Variants in PPP1R37 observed in about 807,000 individuals in gnomAD.
PPP1R37 encodes leucine rich repeat containing 68.
A neutral mutation model predicts 61.0 loss-of-function variants in PPP1R37; 21 were observed. The ratio of observed to expected loss-of-function variants is 0.34; its 90% CI spans 0.24 to 0.50. PPP1R37 has a LOEUF of 0.50. Among genes scored for constraint, PPP1R37 ranks in the 20% least tolerant of loss-of-function variants. The pLI is 0.98. For missense variants in PPP1R37, 910 were observed against 952.7 expected (o/e 0.96, Z 0.59); for synonymous variants, 443 against 433.5 (o/e 1.02, Z -0.27).
rs75952026 is a variant in PPP1R37, at chr19:45,111,120, G to A, written c.202+17593G>A. Among the ~76,000 whole-genome samples the A allele has an allele frequency of 1.2e-3, 188 of 152,248 alleles. 1 individual carries two copies. The highest frequency in any genetic ancestry group is 6.8e-3 in the Middle Eastern group (2 of 294). Reference sequence around the variant, plus strand: ...CCCAGCTCTGCTGAGTCCTCTGCCGGATTGTCTTGCCTGTATGCTCATTTG... The same window carrying A: ...CCCAGCTCTGCTGAGTCCTCTGCCGAATTGTCTTGCCTGTATGCTCATTTG... On this transcript the variant is annotated intron_variant, in intron 1 of 12. Transcript: ENST00000221462.
chr19:45,138,736 A>C (rs2122751040), intron 2 of PPP1R37, 125 bp downstream of exon 2: 2 of 597,586 alleles, frequency 3.3e-6, no homozygotes, highest in East Asian at 5.6e-5. Flanking sequence ...CATCTTTGAA[A>C]GCCTGCTGCT....
In PPP1R37 at chr19:45,146,871, G is replaced by C. The variant is rs1968710128; in HGVS notation, c.*309G>C. ...CAGGCGCCTGTTCTGGAGGGGCCAG[G>C]CTTGCCCTGCGGAGGGCAGGCGTCC... On this transcript the variant is annotated 3_prime_UTR_variant, in exon 13 of 13. Transcript: ENST00000221462. 2 of 190,418 alleles carry C rather than the reference G, an allele frequency of 1.1e-5. No homozygotes were observed. 11.8% of individuals were successfully genotyped at this position (190,418 alleles called of 1,614,324 possible). A position where few individuals can be genotyped will look rare whatever the true frequency, so the allele number is the denominator to read the frequency against.
intron 1 of PPP1R37, among the ~76,000 whole-genome samples, chr19:45,120,014 CTTTTT>C (rs11312138): frequency 4.8e-5 from 4 of 83,600 alleles, no homozygotes; most frequent in African/African-American, 9.8e-5. Context: ...TTTTCCCCTT[CTTTTT>C]TTTTTTTTTT....
chr19:45,132,010 C>T (rs1035593374), intron 1 of PPP1R37, among the ~76,000 whole-genome samples: 2 of 152,172 alleles, frequency 1.3e-5, no homozygotes, highest in Non-Finnish European at 2.9e-5. Context: ...CTTCTTATTC[C>T]AAGCCGTTAC....
At chr19:45,119,101 G>C (rs1968306565) in intron 1 of PPP1R37, among the ~76,000 whole-genome samples, 1 of 151,700 alleles carries the variant, frequency 6.6e-6, no homozygotes, top group Non-Finnish European at 1.5e-5. Context: ...CGATTCTCCT[G>C]CCCCAGCCTC....
intron 1 of PPP1R37, among the ~76,000 whole-genome samples, chr19:45,113,940 T>C (rs1240256862): frequency 6.6e-6 from 1 of 152,210 alleles, no homozygotes; most frequent in Non-Finnish European, 1.5e-5. Context: ...GGCCCCTGGC[T>C]GGAGCTGGTG....
intron 8 of PPP1R37, chr19:45,144,238 A>C (rs781704429): frequency 2.0e-5 from 3 of 152,322 alleles, no homozygotes; most frequent in Admixed American, 6.6e-5. Flanking sequence ...GGATGGTCGC[A>C]ATCTGACCTT....
chr19:45,128,828 T>A, intron 1 of PPP1R37: 2 of 616,862 alleles, frequency 3.2e-6, no homozygotes, highest in Non-Finnish European at 6.0e-6. Flanking sequence ...TCAAAAGGAA[T>A]GACTCCCAGT....
At chr19:45,097,905 G>A (rs1968013843) in intron 1 of PPP1R37, among the ~76,000 whole-genome samples, 1 of 152,184 alleles carries the variant, frequency 6.6e-6, no homozygotes, top group Non-Finnish European at 1.5e-5. Flanking sequence ...ACATGTAGCT[G>A]AATGTCAGGG....
intron 1 of PPP1R37, among the ~76,000 whole-genome samples, chr19:45,125,766 C>G (rs931621533): frequency 6.6e-6 from 1 of 152,298 alleles, no homozygotes; most frequent in South Asian, 2.1e-4. Flanking sequence ...AGTGAAGAGG[C>G]CTATCCAGGC....
At chr19:45,146,225 C>A in intron 11 of PPP1R37, 165 bp from the exon 12 acceptor site, 1 of 924,432 alleles carries the variant, frequency 1.1e-6, no homozygotes, top group Non-Finnish European at 1.6e-6. Context: ...CCTGGGAGCT[C>A]TTCCTGGGGT....
At chr19:45,115,965 ACT>A (rs1280468956) in intron 1 of PPP1R37, among the ~76,000 whole-genome samples, 2 of 146,034 alleles carry the variant, frequency 1.4e-5, no homozygotes, top group African/African-American at 5.1e-5. Flanking sequence ...CAAGAGTGAG[ACT>A]CTGTCTCAAA....
intron 1 of PPP1R37, among the ~76,000 whole-genome samples, chr19:45,138,010 G>A (rs1463456962): frequency 2.6e-5 from 4 of 152,086 alleles, no homozygotes; most frequent in Non-Finnish European, 4.4e-5. Flanking sequence ...GACAGTGCAA[G>A]CGTTTGGTCT....
At chr19:45,099,116 C>A (rs1423307700) in intron 1 of PPP1R37, among the ~76,000 whole-genome samples, 2 of 152,152 alleles carry the variant, frequency 1.3e-5, no homozygotes, top group African/African-American at 4.8e-5. Flanking sequence ...CTCCTCTGCC[C>A]CCACCTATAG....
chr19:45,141,991 G>A (rs919213429), intron 5 of PPP1R37, 70 bp from the exon 6 acceptor site: 14 of 1,153,950 alleles, frequency 1.2e-5, no homozygotes, highest in South Asian at 5.1e-5. Flanking sequence ...GTGCTGGGGC[G>A]GTCCTGGGGC....
intron 1 of PPP1R37, among the ~76,000 whole-genome samples, chr19:45,117,087 A>G (rs1049201024): frequency 1.3e-5 from 2 of 151,698 alleles, no homozygotes; most frequent in Non-Finnish European, 2.9e-5. Flanking sequence ...TAATTTTTGT[A>G]TTTTTAGTAG....
At chr19:45,101,816 C>T (rs948580848) in intron 1 of PPP1R37, among the ~76,000 whole-genome samples, 3 of 152,178 alleles carry the variant, frequency 2.0e-5, no homozygotes, top group Non-Finnish European at 4.4e-5. Context: ...AGGGAGGGGC[C>T]GTGAGCCAGG....
chr19:45,117,724 G>A (rs1349891590), intron 1 of PPP1R37, among the ~76,000 whole-genome samples: 1 of 152,244 alleles, frequency 6.6e-6, no homozygotes, highest in Non-Finnish European at 1.5e-5. Flanking sequence ...CCAAGGCAGG[G>A]ACAGGCCAGT....
Position 45,146,516 on chromosome 19 carries a change from G to T in PPP1R37, c.*8+36G>T, listed in dbSNP as rs566777169. 2.6e-5 allele frequency: 36 copies of T among 1,396,994 alleles called. No homozygotes were observed. The East Asian group carries it at 8.0e-4, about 31-fold the overall frequency. 86.5% of individuals were successfully genotyped at this position (1,396,994 alleles called of 1,614,324 possible). ...GCCCGGGGCCCACAGCACTCGGGAG[G>T]AGCTGAGAGAGCCTCTGGCTCTGAC... is the stretch of plus-strand genomic sequence containing the variant. On this transcript the variant is annotated intron_variant, in intron 12 of 12. Transcript: ENST00000221462.
Sources: allele counts gnomAD v4.1 joint callset (sites outside exome capture counted in the v4.1 genomes callset), GRCh38; gene constraint gnomAD v4.1.1; transcripts MANE v1.5; gene names NCBI Gene and HGNC (gene_info 2026-07-23, HGNC 2026-07-21).